Variants in MACROD2 observed in about 807,000 individuals in gnomAD.
The protein encoded by MACROD2 is ADP-ribose glycohydrolase MACROD2.
In MACROD2, 36 loss-of-function variants were observed where a neutral mutation model predicts 70.4. The observed-to-expected ratio is 0.51, with a 90% CI of 0.39 to 0.68. The LOEUF is 0.68. MACROD2 is among the 30% of genes least tolerant of loss of function. The pLI is 0.00. For synonymous variants in MACROD2, 172 were observed against 178.8 expected (o/e 0.96, Z 0.30); for missense variants, 496 against 538.4 (o/e 0.92, Z 0.78).
chr20:14,508,927 C>T (rs2084998952), intron 4 of MACROD2, among the ~76,000 whole-genome samples: 1 of 152,026 alleles, frequency 6.6e-6, no homozygotes, highest in Non-Finnish European at 1.5e-5. Flanking sequence ...ATATTTAAGA[C>T]CACACAATGA....
At chr20:15,982,355 C>T (rs1221758756) in intron 13 of MACROD2, among the ~76,000 whole-genome samples, 1 of 152,128 alleles carries the variant, frequency 6.6e-6, no homozygotes, top group Non-Finnish European at 1.5e-5. Flanking sequence ...GATGTATATA[C>T]TGGGAACAGT....
At chr20:14,005,717 T>C (rs1007260347) in intron 2 of MACROD2, among the ~76,000 whole-genome samples, 4 of 152,180 alleles carry the variant, frequency 2.6e-5, no homozygotes, top group East Asian at 1.9e-4. Context: ...ATTCTCCTGC[T>C]GAGCTCCTGA....
At chr20:14,227,807 C>T (rs2122190998) in intron 3 of MACROD2, among the ~76,000 whole-genome samples, 1 of 152,216 alleles carries the variant, frequency 6.6e-6, no homozygotes, top group East Asian at 1.9e-4. Flanking sequence ...TTGTATTTGA[C>T]CCATTATCCC....
intron 4 of MACROD2, among the ~76,000 whole-genome samples, chr20:14,662,452 C>A (rs1335672149): frequency 6.6e-6 from 1 of 152,030 alleles, no homozygotes; most frequent in African/African-American, 2.4e-5. Flanking sequence ...ACGAAGACAT[C>A]AAAAGCAATT....
chr20:14,536,817 C>T (rs568064853), intron 4 of MACROD2, among the ~76,000 whole-genome samples: 1 of 152,152 alleles, frequency 6.6e-6, no homozygotes, highest in Non-Finnish European at 1.5e-5. Context: ...TGACTTGGTG[C>T]CCATCTGCAG....
chr20:15,486,269 C>T (rs1444898439), intron 7 of MACROD2, among the ~76,000 whole-genome samples: 1 of 152,188 alleles, frequency 6.6e-6, no homozygotes, highest in African/African-American at 2.4e-5. Flanking sequence ...CCAGTCATCA[C>T]TCTGTGGCAC....
At chr20:15,564,318 C>G (rs2048283581) in intron 8 of MACROD2, among the ~76,000 whole-genome samples, 1 of 152,162 alleles carries the variant, frequency 6.6e-6, no homozygotes, top group African/African-American at 2.4e-5. Flanking sequence ...AGCAAAATGT[C>G]TGCAGGTCAC....
At chr20:14,177,041 G>A (rs181623701) in intron 3 of MACROD2, among the ~76,000 whole-genome samples, 17 of 152,264 alleles carry the variant, frequency 1.1e-4, no homozygotes, top group Non-Finnish European at 2.1e-4. Context: ...TTGAAAAATA[G>A]AGACTTCCCC....
intron 3 of MACROD2, among the ~76,000 whole-genome samples, chr20:14,434,964 C>T (rs2084039775): frequency 6.6e-6 from 1 of 152,166 alleles, no homozygotes; most frequent in Non-Finnish European, 1.5e-5. Context: ...CAACTACCCA[C>T]GTCAGTTTTC....
chr20:14,787,423 A>T (rs888820220), intron 5 of MACROD2, among the ~76,000 whole-genome samples: 3 of 152,130 alleles, frequency 2.0e-5, no homozygotes, highest in Non-Finnish European at 4.4e-5. Flanking sequence ...TTCAAAGTTG[A>T]CAGTGAGTTC....
intron 8 of MACROD2, among the ~76,000 whole-genome samples, chr20:15,742,169 A>G (rs76531134): frequency 0.011 from 1,623 of 152,152 alleles, 25 homozygotes; most frequent in African/African-American, 0.036. Flanking sequence ...GTGTCTGAAA[A>G]CTTACAGGCC....
In MACROD2 at chr20:15,197,007, A is replaced by G. The variant is rs995461883; in HGVS notation, c.419-32933A>G. The G allele has an allele frequency of 1.4e-5, 14 of 985,404 alleles. No individual in the cohort carries two copies. In the African/African-American group the frequency reaches 2.1e-4, roughly 15 times the overall value. The allele number at this position is 985,404 out of a possible 1,614,324, so 61.0% of individuals were successfully genotyped here. On this transcript the variant is annotated intron_variant, in intron 5 of 17. Coordinates refer to ENST00000684519, the MANE Select transcript of MACROD2 (RefSeq NM_001351661.2). The stretch of plus-strand genomic sequence containing the variant: ...TTTTTTGGAAACTCAACACTCAGGA[A>G]GGTCGCATAGAGCCAGTTTATGCAG...
In MACROD2 at chr20:15,754,275, G is replaced by A. The variant is rs1268637770; in HGVS notation, c.646-108470G>A. Among the ~76,000 whole-genome samples, 7 of 152,086 alleles carry A rather than the reference G, an allele frequency of 4.6e-5. No individual in the cohort carries two copies. The South Asian group carries it at 6.2e-4, about 14-fold the overall frequency. ...CCTTTTACATGTAGCCAAAAATCAC[G>A]GTTTCTTTAGGAAAAAAATAAATCA... is the stretch of plus-strand genomic sequence containing the variant. On this transcript the variant is annotated intron_variant, in intron 8 of 17. Transcript: ENST00000684519.
At chr20:14,274,394 C>A (rs1409826809) in intron 3 of MACROD2, among the ~76,000 whole-genome samples, 1 of 152,042 alleles carries the variant, frequency 6.6e-6, no homozygotes, top group Non-Finnish European at 1.5e-5. Flanking sequence ...AAGACAAAAA[C>A]CACATGATTA....
intron 5 of MACROD2, among the ~76,000 whole-genome samples, chr20:15,016,953 G>A (rs2075126390): frequency 6.6e-6 from 1 of 152,076 alleles, no homozygotes; most frequent in Admixed American, 6.5e-5. Flanking sequence ...AATTCAAGTT[G>A]AGATTCTGGT....
At chr20:14,041,675 C>A (rs140427907) in intron 2 of MACROD2, among the ~76,000 whole-genome samples, 2 of 152,152 alleles carry the variant, frequency 1.3e-5, no homozygotes, top group African/African-American at 4.8e-5. Flanking sequence ...GGGAAAGTAT[C>A]TGGTTTCTGA....
At chr20:15,355,063 A>C (rs1344574595) in intron 6 of MACROD2, among the ~76,000 whole-genome samples, 1 of 152,208 alleles carries the variant, frequency 6.6e-6, no homozygotes, top group African/African-American at 2.4e-5. Flanking sequence ...GTTGGGACTG[A>C]TGTTCTGTTT....
intron 8 of MACROD2, chr20:15,552,199 C>G (rs1218548253): frequency 1.3e-5 from 2 of 152,170 alleles, no homozygotes; most frequent in Non-Finnish European, 2.9e-5. Context: ...GAAGTAGCAT[C>G]TGGGCCTTTG....
chr20:15,635,216 C>A (rs554326728), intron 8 of MACROD2, among the ~76,000 whole-genome samples: 5 of 152,262 alleles, frequency 3.3e-5, no homozygotes, highest in Non-Finnish European at 5.9e-5. Flanking sequence ...TAGTCATAAC[C>A]ACATAAATGA....
Sources: gnomAD v4.1 joint callset for allele counts (sites outside exome capture counted in the v4.1 genomes callset) on GRCh38, gnomAD v4.1.1 for gene constraint, MANE v1.5 for transcripts, NCBI Gene and HGNC (gene_info 2026-07-23, HGNC 2026-07-21) for gene names.